The following LONP2 variants were observed in gnomAD, a reference collection of about 807,000 sequenced individuals.
The protein encoded by LONP2 is lon peptidase 2, peroxisomal, also known as lon protease homolog 2, peroxisomal.
A neutral mutation model predicts 85.6 loss-of-function variants in LONP2; 60 were observed. The observed-to-expected ratio is 0.70, with a 90% confidence interval of 0.57 to 0.87. The LOEUF (loss-of-function observed/expected upper bound fraction) is 0.87. LONP2 is among the 40% of genes least tolerant of loss of function. LONP2 has a pLI of 0.00. For missense variants in LONP2, 860 were observed against 1,063.5 expected (o/e 0.81, Z 2.66); for synonymous variants, 395 against 389.7 (o/e 1.01, Z -0.16).
At chr16:48,349,881 C>A (rs1344849455) in intron 14 of LONP2, among the ~76,000 whole-genome samples, 1 of 152,200 alleles carries the variant, frequency 6.6e-6, no homozygotes, top group Non-Finnish European at 1.5e-5. Context: ...AAAAACATTT[C>A]ATCCCCTTGA....
At chr16:48,270,390 C>A (rs1052684785) in intron 7 of LONP2, 116 bp downstream of exon 7, 4 of 1,120,366 alleles carry the variant, frequency 3.6e-6, no homozygotes, top group Non-Finnish European at 5.1e-6. Context: ...ATGTGTGGTA[C>A]CTTGAATGAA....
At chr16:48,308,673 A>G (rs1464966721) in intron 11 of LONP2, among the ~76,000 whole-genome samples, 1 of 151,696 alleles carries the variant, frequency 6.6e-6, no homozygotes, top group Admixed American at 6.6e-5. Context: ...TTAAAGACTT[A>G]AATGTAAAAT....
intron 8 of LONP2, among the ~76,000 whole-genome samples, chr16:48,289,065 T>C (rs1748888888): frequency 6.6e-6 from 1 of 152,238 alleles, no homozygotes; most frequent in Admixed American, 6.5e-5. Flanking sequence ...TGTTATTTTC[T>C]TGTGGTTCAT....
chr16:48,284,658 A>G (rs1406834584), intron 8 of LONP2, among the ~76,000 whole-genome samples: 1 of 152,248 alleles, frequency 6.6e-6, no homozygotes, highest in Non-Finnish European at 1.5e-5. Context: ...AGACTATAGT[A>G]TATTGTGTAA....
At chr16:48,260,534 G>A (rs1400473460) in intron 4 of LONP2, among the ~76,000 whole-genome samples, 1 of 152,254 alleles carries the variant, frequency 6.6e-6, no homozygotes, top group Non-Finnish European at 1.5e-5. Flanking sequence ...GGGAGGTTGA[G>A]GCTGCAGTAA....
In LONP2 at chr16:48,285,341, C is replaced by T. The variant is rs982750314; in HGVS notation, c.1383+7862C>T. 2.0e-5 allele frequency among the ~76,000 whole-genome samples: 3 copies of T among 152,088 alleles called. No homozygotes were observed. The South Asian group carries it at 6.2e-4, about 32-fold the overall frequency. On this transcript the variant is annotated intron_variant, in intron 8 of 14. Coordinates refer to ENST00000285737, the MANE Select transcript of LONP2 (RefSeq NM_031490.5). ...TGTGATCCTCTGAGTTTACTTAGTT[C>T]TTTTTGAGCTTCTTGGATGTGTAGG... is the stretch of plus-strand genomic sequence containing the variant.
intron 12 of LONP2, among the ~76,000 whole-genome samples, chr16:48,338,643 C>G (rs1256868909): frequency 6.6e-6 from 1 of 152,124 alleles, no homozygotes. Flanking sequence ...CGCGGTGGCT[C>G]ATGCCTGTAA....
At chr16:48,257,862 GAGC>G in intron 3 of LONP2, among the ~76,000 whole-genome samples, 1 of 152,344 alleles carries the variant, frequency 6.6e-6, no homozygotes, top group Middle Eastern at 3.4e-3. Context: ...CGGGAACAGA[GAGC>G]GGCCTGTGCT....
intron 10 of LONP2, among the ~76,000 whole-genome samples, chr16:48,302,908 T>C (rs1972836000): frequency 6.6e-6 from 1 of 152,226 alleles, no homozygotes; most frequent in African/African-American, 2.4e-5. Flanking sequence ...GCAATGTAAA[T>C]TGAACTAGAA....
chr16:48,338,584 A>G (rs1317385734), intron 12 of LONP2, among the ~76,000 whole-genome samples: 1 of 152,166 alleles, frequency 6.6e-6, no homozygotes, highest in Admixed American at 6.5e-5. Flanking sequence ...GTTGCAAAGA[A>G]AACTGAGAGC....
chr16:48,286,011 A>G (rs948230109), intron 8 of LONP2, among the ~76,000 whole-genome samples: 8 of 152,156 alleles, frequency 5.3e-5, no homozygotes, highest in Admixed American at 1.3e-4. Flanking sequence ...TGACTACTCT[A>G]TATACCTCAT....
intron 8 of LONP2, among the ~76,000 whole-genome samples, chr16:48,292,514 A>T (rs1972577010): frequency 6.6e-6 from 1 of 152,214 alleles, no homozygotes; most frequent in Non-Finnish European, 1.5e-5. Context: ...TGAGTAAAAG[A>T]GGAAGGCAGG....
intron 11 of LONP2, among the ~76,000 whole-genome samples, chr16:48,318,742 G>C (rs780508853): frequency 6.6e-6 from 1 of 152,146 alleles, no homozygotes; most frequent in African/African-American, 2.4e-5. Context: ...GCTTGTGTTC[G>C]TTCCCACTCA....
intron 6 of LONP2, among the ~76,000 whole-genome samples, chr16:48,263,564 C>T (rs1276083025): frequency 6.6e-6 from 1 of 152,160 alleles, no homozygotes; most frequent in Non-Finnish European, 1.5e-5. Context: ...CATAATATTC[C>T]ATTGTGTGTC....
intron 1 of LONP2, among the ~76,000 whole-genome samples, chr16:48,250,477 T>C (rs1457938984): frequency 6.7e-6 from 1 of 150,242 alleles, no homozygotes; most frequent in East Asian, 1.9e-4. Flanking sequence ...TGAGACTCCG[T>C]CTCAAAAAAA....
rs1331094402 is a variant in LONP2, at chr16:48,244,628, C to T, written c.233+7C>T. On this transcript the variant is annotated splice_region_variant and intron_variant, in intron 1 of 14. Coordinates refer to ENST00000285737, the MANE Select transcript of LONP2 (RefSeq NM_031490.5). ...ACCTGCCGCCGCTGCACAGGTAGGCCTGGCTGCCCCCGCGGCGGCGGCGGG... is the reference window on the plus strand; with the variant it reads ...ACCTGCCGCCGCTGCACAGGTAGGCTTGGCTGCCCCCGCGGCGGCGGCGGG... 4 of 1,361,594 alleles carry T rather than the reference C, an allele frequency of 2.9e-6. No homozygotes were observed. The African/African-American group carries it at 4.6e-5, about 16-fold the overall frequency. 84.3% of individuals were successfully genotyped at this position (1,361,594 alleles called of 1,614,324 possible). A position where few individuals can be genotyped will look rare whatever the true frequency, so the allele number is the denominator to read the frequency against.
rs918450721 is a variant in LONP2 at position 48,353,772 on chromosome 16, T to G, written c.*1970T>G. Reference sequence around the variant, plus strand: ...GGGCGCTAATCCACACCCACATCGCTCTGCCCTGTTCCACCCAGCAGGGGC... The same window carrying G: ...GGGCGCTAATCCACACCCACATCGCGCTGCCCTGTTCCACCCAGCAGGGGC... On this transcript the variant is annotated 3_prime_UTR_variant, in exon 15 of 15. Coordinates refer to ENST00000285737, the MANE Select transcript of LONP2 (RefSeq NM_031490.5). 1 of 152,058 alleles carries G rather than the reference T, an allele frequency of 6.6e-6. No individual in the cohort carries two copies. The highest frequency in any genetic ancestry group is 2.4e-5 in the African/African-American group (1 of 41,378). 9.4% of individuals were successfully genotyped at this position (152,058 alleles called of 1,614,324 possible).
chr16:48,359,338 T>C (rs1467309341), downstream of LONP2, among the ~76,000 whole-genome samples: 1 of 152,190 alleles, frequency 6.6e-6, no homozygotes. Flanking sequence ...ACATTAAATA[T>C]GGAATAAAAG....
At chr16:48,297,398 C>T (rs1055949326) in intron 9 of LONP2, among the ~76,000 whole-genome samples, 2 of 151,396 alleles carry the variant, frequency 1.3e-5, no homozygotes, top group Non-Finnish European at 2.9e-5. Flanking sequence ...GCAACCTCTG[C>T]CTCCTGGTTC....
Sources: allele counts gnomAD v4.1 joint callset (sites outside exome capture counted in the v4.1 genomes callset), GRCh38; gene constraint gnomAD v4.1.1; transcripts MANE v1.5; gene names NCBI Gene and HGNC (gene_info 2026-07-23, HGNC 2026-07-21).